Variants in STIM1 observed in about 807,000 individuals in gnomAD.
STIM1 encodes stromal interaction molecule 1.
A neutral mutation model predicts 74.7 loss-of-function variants in STIM1; 25 were observed. The observed-to-expected ratio is 0.33, with a 90% CI of 0.24 to 0.47. The LOEUF is 0.47. Among genes scored for constraint, STIM1 ranks in the 20% least tolerant of loss-of-function variants. The pLI, the probability that STIM1 is intolerant of heterozygous loss-of-function variation, is 1.00. For missense variants in STIM1, 728 were observed against 920.8 expected, an observed-to-expected ratio of 0.79 and a Z score of 2.71; for synonymous variants, 328 against 348.8, an observed-to-expected ratio of 0.94 and a Z score of 0.66.
intron 3 of STIM1, among the ~76,000 whole-genome samples, chr11:4,043,191 C>T (rs2094161916): frequency 6.6e-6 from 1 of 152,116 alleles, no homozygotes; most frequent in Admixed American, 6.5e-5. Context: ...AGGGGTTTGG[C>T]AGTCTTTAAT....
At chr11:4,089,279 G>A (rs1397554340) in intron 12 of STIM1, among the ~76,000 whole-genome samples, 1 of 152,182 alleles carries the variant, frequency 6.6e-6, no homozygotes, top group Non-Finnish European at 1.5e-5. Flanking sequence ...GTCTGGTCCA[G>A]GAGAAGTGAG....
chr11:4,075,142 A>G (rs2094430681), intron 7 of STIM1, among the ~76,000 whole-genome samples: 1 of 152,010 alleles, frequency 6.6e-6, no homozygotes, highest in Non-Finnish European at 1.5e-5. Flanking sequence ...TCTCTGTCTC[A>G]AAAAAAACAA....
intron 1 of STIM1, among the ~76,000 whole-genome samples, chr11:3,941,696 A>AGTGTGT (rs61374697): frequency 1.4e-5 from 2 of 141,802 alleles, no homozygotes; most frequent in African/African-American, 5.4e-5. Flanking sequence ...AGAGAGAGAG[A>AGTGTGT]GTGTGTGTGT....
At chr11:4,088,520 G>A (rs1331200653) in intron 12 of STIM1, 1 of 586,760 alleles carries the variant, frequency 1.7e-6, no homozygotes, top group African/African-American at 1.9e-5. Flanking sequence ...CAAAAGCCTA[G>A]GAAGGGAGAC....
intron 2 of STIM1, among the ~76,000 whole-genome samples, chr11:4,011,781 G>T (rs1311379263): frequency 6.6e-6 from 1 of 152,158 alleles, no homozygotes; most frequent in Non-Finnish European, 1.5e-5. Flanking sequence ...TGGTGCTTTA[G>T]TCATGAAGTC....
In STIM1 at chr11:3,907,111, A is replaced by C. The variant is rs182894963; in HGVS notation, c.139+50702A>C. 2.2e-4 allele frequency among the ~76,000 whole-genome samples: 34 copies of C among 152,312 alleles called. No individual in the cohort carries two copies. In the East Asian group the frequency reaches 6.6e-3, roughly 29 times the overall value. On this transcript the variant is annotated intron_variant, in intron 1 of 12. Transcript: ENST00000526596. ...GTGGGGACAGGGTTAGAGGTTGGGC[A>C]CTGAAGTTTAGAAGTTGGCAATTAT...
intron 1 of STIM1, among the ~76,000 whole-genome samples, chr11:3,955,991 T>C (rs1434739819): frequency 6.6e-6 from 1 of 150,758 alleles, no homozygotes; most frequent in Non-Finnish European, 1.5e-5. Context: ...CCCAGAGTAG[T>C]CAGGAGTTTC....
At chr11:3,865,907 GC>G (rs1464013833) in intron 1 of STIM1, among the ~76,000 whole-genome samples, 26 of 152,236 alleles carry the variant, frequency 1.7e-4, no homozygotes, top group African/African-American at 6.3e-4. Flanking sequence ...AAGAGGGATG[GC>G]TGTGGTCCTG....
intron 2 of STIM1, among the ~76,000 whole-genome samples, chr11:3,992,089 G>GTTTTTTTTTTTTTTTTTTTTTT (rs75377604): frequency 2.1e-5 from 2 of 95,368 alleles, no homozygotes; most frequent in African/African-American, 4.2e-5. Context: ...CTGTTTTTTT[G>GTTTTTTTTTTTTTTTTTTTTTT]TTTTTTTTTT....
At chr11:3,858,649 A>G (rs889585117) in intron 1 of STIM1, among the ~76,000 whole-genome samples, 1 of 152,228 alleles carries the variant, frequency 6.6e-6, no homozygotes, top group Non-Finnish European at 1.5e-5. Context: ...CTATGCAACT[A>G]GGAACTCTTG....
chr11:3,932,888 A>G (rs942562808), intron 1 of STIM1, among the ~76,000 whole-genome samples: 1 of 152,132 alleles, frequency 6.6e-6, no homozygotes, highest in African/African-American at 2.4e-5. Flanking sequence ...TATTTTTGTC[A>G]TAGCAGCTTG....
chr11:4,017,151 C>T (rs2093906743), intron 2 of STIM1, among the ~76,000 whole-genome samples: 1 of 152,344 alleles, frequency 6.6e-6, no homozygotes, highest in African/African-American at 2.4e-5. Flanking sequence ...CCGTCTTCTG[C>T]ATTGATCTCA....
rs146322300 is a variant in STIM1 at position 3,901,171 on chromosome 11, A to G, written c.139+44762A>G. 7.8e-3 allele frequency among the ~76,000 whole-genome samples: 1,180 copies of G among 152,154 alleles called. 19 individuals are homozygous for G. The highest frequency in any genetic ancestry group is 0.027 in the African/African-American group (1,132 of 41,494). On this transcript the variant is annotated intron_variant, in intron 1 of 12. Transcript: ENST00000526596. ...ACTCCAGCCTGGGCGACAGAGAGAG[A>G]CTCAGCCTCAAAAAAATAAATAAAA... is the stretch of plus-strand genomic sequence containing the variant.
intron 2 of STIM1, among the ~76,000 whole-genome samples, chr11:4,011,222 G>T (rs2093833231): frequency 6.6e-6 from 1 of 152,052 alleles, no homozygotes; most frequent in Admixed American, 6.6e-5. Context: ...ATAATCCTTT[G>T]GGTATATACG....
chr11:4,046,103 C>T (rs1373094249), intron 3 of STIM1, among the ~76,000 whole-genome samples: 68 of 90,532 alleles, frequency 7.5e-4, no homozygotes, highest in East Asian at 1.6e-3. Flanking sequence ...CTCAGTCTGT[C>T]GCCCAGGCTG....
At chr11:4,050,931 C>T (rs962119428) in intron 3 of STIM1, among the ~76,000 whole-genome samples, 4 of 151,864 alleles carry the variant, frequency 2.6e-5, no homozygotes, top group Non-Finnish European at 5.9e-5. Flanking sequence ...GGAAGTGGAT[C>T]ATCATAAAGG....
At position 3,895,799 on chromosome 11, in the gene STIM1, C is replaced by G. The variant is rs59494782; in HGVS notation, c.139+39390C>G. On this transcript the variant is annotated intron_variant, in intron 1 of 12. Transcript: ENST00000526596. ...TCCTTCCTTCCTTCCTTCCTTCCTTCCTTCCTTTCTTTCCTTCCTTCTTTC... is the reference window on the plus strand; with the variant it reads ...TCCTTCCTTCCTTCCTTCCTTCCTTGCTTCCTTTCTTTCCTTCCTTCTTTC... Among the ~76,000 whole-genome samples the G allele has an allele frequency of 3.1e-5, 2 of 65,048 alleles. 1 individual carries two copies. Among genetic ancestry groups the G allele is most frequent in the African/African-American group, 2.3e-4 (2 of 8,752 alleles). 42.7% of individuals were successfully genotyped at this position (65,048 alleles called of 152,430 possible).
At chr11:3,961,565 A>G (rs904802780) in intron 1 of STIM1, 1 of 149,464 alleles carries the variant, frequency 6.7e-6, no homozygotes, top group African/African-American at 2.6e-5. Flanking sequence ...CTGGAGTGCA[A>G]TGGCACGATC....
rs1427910727 is a variant in STIM1, at chr11:3,935,890, A to G, written c.140-31662A>G. Among the ~76,000 whole-genome samples the G allele has an allele frequency of 5.9e-5, 9 of 152,390 alleles. No individual in the cohort carries two copies. The East Asian group carries it at 1.5e-3, about 26-fold the overall frequency. ...GAACTAACTACATTATACATAGGTA[A>G]CATTTATTGAATGCTTACTAAGTTT... On this transcript the variant is annotated intron_variant, in intron 1 of 12. Transcript: ENST00000526596.
Sources: gnomAD v4.1 joint callset for allele counts (sites outside exome capture counted in the v4.1 genomes callset) on GRCh38, gnomAD v4.1.1 for gene constraint, MANE v1.5 for transcripts, NCBI Gene and HGNC (gene_info 2026-07-23, HGNC 2026-07-21) for gene names.